Variants in DTNBP1 observed in about 807,000 individuals in gnomAD.
The protein encoded by DTNBP1 is dysbindin.
In DTNBP1, 35 loss-of-function variants were observed where a neutral mutation model predicts 42.8. That is an observed-to-expected ratio of 0.82 (90% confidence interval 0.63 to 1.09). The LOEUF (loss-of-function observed/expected upper bound fraction) is 1.09. Ranked by LOEUF, DTNBP1 falls within the 50% of genes least tolerant of loss-of-function variation. The pLI, the probability that DTNBP1 is intolerant of heterozygous loss-of-function variation, is 0.00. For synonymous variants in DTNBP1, 171 were observed against 162.2 expected (o/e 1.05, Z -0.41); for missense variants, 457 against 424.2 (o/e 1.08, Z -0.68).
chr6:15,663,047 G>A (rs1177634131), upstream of DTNBP1: 15 of 789,524 alleles, frequency 1.9e-5, no homozygotes, highest in Admixed American at 1.3e-4. Context: ...CCGCGTTCCC[G>A]CCCCGCGCGC....
chr6:15,585,429 GAA>G (rs1157687474), intron 7 of DTNBP1, among the ~76,000 whole-genome samples: 2 of 145,692 alleles, frequency 1.4e-5, no homozygotes, highest in Non-Finnish European at 3.0e-5. Context: ...CCTGATGCAT[GAA>G]AAGACACATA....
At chr6:15,591,771 T>G (rs1449827485) in intron 7 of DTNBP1, among the ~76,000 whole-genome samples, 1 of 152,242 alleles carries the variant, frequency 6.6e-6, no homozygotes, top group Non-Finnish European at 1.5e-5. Flanking sequence ...CTGCCCTGTC[T>G]TTTAATATTA....
chr6:15,577,805 A>G (rs949592867), intron 7 of DTNBP1, among the ~76,000 whole-genome samples: 1 of 152,206 alleles, frequency 6.6e-6, no homozygotes. Flanking sequence ...AGGAGAGAAA[A>G]GGCCCAAGGA....
intron 6 of DTNBP1, among the ~76,000 whole-genome samples, chr6:15,594,757 G>C (rs1776437588): frequency 6.6e-6 from 1 of 150,838 alleles, no homozygotes; most frequent in African/African-American, 2.5e-5. Flanking sequence ...ATTCTAATGA[G>C]TAATTCTTTT....
At chr6:15,607,518 T>G (rs1050240009) in intron 6 of DTNBP1, among the ~76,000 whole-genome samples, 2 of 152,056 alleles carry the variant, frequency 1.3e-5, no homozygotes, top group Non-Finnish European at 2.9e-5. Flanking sequence ...GCCAGGCTGG[T>G]CTCAAACTCC....
At chr6:15,635,462 A>C (rs1421215926) in intron 4 of DTNBP1, among the ~76,000 whole-genome samples, 1 of 152,088 alleles carries the variant, frequency 6.6e-6, no homozygotes, top group Non-Finnish European at 1.5e-5. Flanking sequence ...ATGGATTATT[A>C]TCTTGCTTGC....
At chr6:15,584,705 CT>C (rs147548247) in intron 7 of DTNBP1, among the ~76,000 whole-genome samples, 5,512 of 86,458 alleles carry the variant, frequency 0.064, 78 homozygotes, top group African/African-American at 0.11. Context: ...ACATGTATTT[CT>C]TTTTTTTTTT....
At chr6:15,657,473 T>G (rs1761349420) in intron 1 of DTNBP1, among the ~76,000 whole-genome samples, 1 of 152,200 alleles carries the variant, frequency 6.6e-6, no homozygotes, top group South Asian at 2.1e-4. Context: ...CTGCCTTATC[T>G]TCTCTCATCT....
chr6:15,611,794 T>C lies in DTNBP1; in HGVS notation c.488+3473A>G, dbSNP rs80195165. On this transcript the variant is annotated intron_variant, in intron 6 of 9. Coordinates refer to ENST00000344537, the MANE Select transcript of DTNBP1 (RefSeq NM_032122.5). ...TTAGAAGTGAAGCCTGAAGATACGA[T>C]TGAATTACTGCAATCTCGTGATCCA... Among the ~76,000 whole-genome samples the C allele has an allele frequency of 1.8e-4, 27 of 152,320 alleles. No individual in the cohort carries two copies. In the East Asian group the frequency reaches 4.4e-3, roughly 25 times the overall value.
intron 7 of DTNBP1, among the ~76,000 whole-genome samples, chr6:15,566,268 T>C (rs1466106344): frequency 2.4e-5 from 3 of 127,658 alleles, no homozygotes; most frequent in Non-Finnish European, 3.1e-5. Context: ...TGAGCCGAGA[T>C]CCCGCCACTG....
intron 7 of DTNBP1, among the ~76,000 whole-genome samples, chr6:15,538,889 T>A (rs766408964): frequency 1.3e-5 from 2 of 151,952 alleles, no homozygotes; most frequent in African/African-American, 2.4e-5. Context: ...CTCAGGGGAG[T>A]ATCAACATCT....
Position 15,522,922 on chromosome 6 carries a change from G to A in DTNBP1, c.*53C>T, listed in dbSNP as rs181454091. ...AACCTGGCTTTCCAGGTGGAATTCC[G>A]CATACAGCCAAAACTGGATTCCAGT... On this transcript the variant is annotated 3_prime_UTR_variant, in exon 10 of 10. Transcript: ENST00000344537. 6.8e-4 allele frequency: 1,098 copies of A among 1,613,936 alleles called. 5 individuals carry two copies. In the African/African-American group the frequency reaches 0.012, roughly 18 times the overall value.
intron 1 of DTNBP1, among the ~76,000 whole-genome samples, chr6:15,659,743 G>T (rs572201943): frequency 6.6e-6 from 1 of 151,900 alleles, no homozygotes; most frequent in East Asian, 1.9e-4. Flanking sequence ...TAGTGGAGAC[G>T]GGGTTTCACC....
intron 5 of DTNBP1, among the ~76,000 whole-genome samples, chr6:15,616,510 C>A (rs1025416249): frequency 6.6e-6 from 1 of 152,202 alleles, no homozygotes; most frequent in Non-Finnish European, 1.5e-5. Flanking sequence ...AAAGCTCAGC[C>A]AGAAATGACT....
chr6:15,575,137 C>T (rs1479200385), intron 7 of DTNBP1, among the ~76,000 whole-genome samples: 5 of 151,996 alleles, frequency 3.3e-5, no homozygotes, highest in Non-Finnish European at 5.9e-5. Flanking sequence ...TTCATGAAAA[C>T]CTTTTTTAAA....
At chr6:15,642,937 T>C (rs948059103) in intron 3 of DTNBP1, among the ~76,000 whole-genome samples, 2 of 152,200 alleles carry the variant, frequency 1.3e-5, no homozygotes, top group Non-Finnish European at 2.9e-5. Context: ...AAGGATCACA[T>C]TAGCTCTCTA....
intron 6 of DTNBP1, among the ~76,000 whole-genome samples, chr6:15,613,756 C>T (rs1720548358): frequency 6.6e-6 from 1 of 152,084 alleles, no homozygotes; most frequent in Non-Finnish European, 1.5e-5. Flanking sequence ...AAAATTCGCA[C>T]ACATACAACC....
intron 7 of DTNBP1, among the ~76,000 whole-genome samples, chr6:15,563,158 T>TTC (rs1170798481): frequency 1.3e-5 from 2 of 152,194 alleles, no homozygotes; most frequent in Non-Finnish European, 2.9e-5. Context: ...TCTTACCTCC[T>TTC]ACTCAGCTTT....
intron 6 of DTNBP1, among the ~76,000 whole-genome samples, chr6:15,610,683 G>A (rs76257600): frequency 4.1e-4 from 62 of 152,280 alleles, no homozygotes; most frequent in African/African-American, 1.3e-3. Context: ...CAAACCCACC[G>A]TATTGCTTAT....
Sources: allele counts gnomAD v4.1 joint callset (sites outside exome capture counted in the v4.1 genomes callset), GRCh38; gene constraint gnomAD v4.1.1; transcripts MANE v1.5; gene names NCBI Gene and HGNC (gene_info 2026-07-23, HGNC 2026-07-21).